Variants in HPSE2 observed in about 807,000 individuals in gnomAD.
HPSE2 encodes inactive heparanase-2.
In HPSE2, 38 loss-of-function variants were observed where a neutral mutation model predicts 60.5. That is an observed-to-expected ratio of 0.63 (90% CI 0.48 to 0.82). HPSE2 has a LOEUF of 0.82. HPSE2 is among the 40% of genes least tolerant of loss of function. The probability of loss-of-function intolerance (pLI) is 0.00; values close to 1 mark genes in which losing one functional copy is unlikely to be tolerated. For missense variants in HPSE2, 713 were observed against 740.4 expected (o/e 0.96, Z 0.43); for synonymous variants, 295 against 293.2 (o/e 1.01, Z -0.06).
At chr10:99,197,523 TAAGAA>T (rs914390541) in intron 2 of HPSE2, among the ~76,000 whole-genome samples, 9 of 151,818 alleles carry the variant, frequency 5.9e-5, no homozygotes, top group African/African-American at 1.9e-4. Flanking sequence ...AAAATAAAAA[TAAGAA>T]AACAAAATAA....
At chr10:98,987,141 TA>T (rs1312394829) in intron 3 of HPSE2, among the ~76,000 whole-genome samples, 1 of 152,098 alleles carries the variant, frequency 6.6e-6, no homozygotes, top group African/African-American at 2.4e-5. Context: ...TAACTCATTT[TA>T]TGAGGCCAGC....
the HPSE2 span, among the ~76,000 whole-genome samples, chr10:99,305,953 TCACACACACGCGCGCGCG>T: frequency 8.1e-5 from 2 of 24,818 alleles, no homozygotes; most frequent in African/African-American, 2.8e-4. Flanking sequence ...ATATCCAAAC[TCACACACACGCGCGCGCG>T]CGCGCGCGCA....
chr10:99,178,942 C>T (rs1847645658), intron 2 of HPSE2, among the ~76,000 whole-genome samples: 1 of 152,228 alleles, frequency 6.6e-6, no homozygotes, highest in African/African-American at 2.4e-5. Flanking sequence ...GGCTTCATCC[C>T]TGGGATGCAA....
At chr10:98,589,424 A>C (rs975083010) in intron 9 of HPSE2, among the ~76,000 whole-genome samples, 7 of 152,158 alleles carry the variant, frequency 4.6e-5, no homozygotes, top group Non-Finnish European at 1.0e-4. Context: ...GAATCTAACA[A>C]ATAGTGGTCA....
chr10:98,571,674 G>A (rs1435840630), intron 9 of HPSE2, among the ~76,000 whole-genome samples: 1 of 152,052 alleles, frequency 6.6e-6, no homozygotes, highest in African/African-American at 2.4e-5. Flanking sequence ...CAACATTCAT[G>A]GACTACTGAT....
chr10:99,172,959 A>G (rs1255640505), intron 2 of HPSE2, among the ~76,000 whole-genome samples: 1 of 152,226 alleles, frequency 6.6e-6, no homozygotes, highest in Non-Finnish European at 1.5e-5. Flanking sequence ...ACCAAGCCTT[A>G]AAGAGTAAGT....
At chr10:98,549,064 G>A (rs986082337) in intron 9 of HPSE2, among the ~76,000 whole-genome samples, 7 of 152,048 alleles carry the variant, frequency 4.6e-5, no homozygotes, top group East Asian at 1.9e-4. Context: ...AAGTACTCAC[G>A]TTAAGGTTCC....
chr10:98,826,356 C>T (rs1384329931), intron 3 of HPSE2, among the ~76,000 whole-genome samples: 1 of 152,160 alleles, frequency 6.6e-6, no homozygotes, highest in East Asian at 1.9e-4. Flanking sequence ...AAAATTTTAA[C>T]TTCAAATAGC....
At chr10:99,004,174 G>T (rs1000204277) in intron 3 of HPSE2, among the ~76,000 whole-genome samples, 1 of 151,774 alleles carries the variant, frequency 6.6e-6, no homozygotes, top group Non-Finnish European at 1.5e-5. Context: ...CACACAGTTG[G>T]CCCAGCTTTT....
chr10:98,934,722 T>G (rs1954742309), intron 3 of HPSE2, among the ~76,000 whole-genome samples: 1 of 143,794 alleles, frequency 7.0e-6, no homozygotes, highest in Admixed American at 6.9e-5. Context: ...TTTTCCTTCA[T>G]TTTGACCTTG....
chr10:99,241,572 C>T, the HPSE2 span, among the ~76,000 whole-genome samples: 6 of 152,170 alleles, frequency 3.9e-5, no homozygotes, highest in African/African-American at 1.4e-4. Context: ...ACCTGAGCAA[C>T]ACAGTGAGAC....
intron 6 of HPSE2, among the ~76,000 whole-genome samples, chr10:98,662,674 A>G (rs976031334): frequency 2.6e-5 from 4 of 152,180 alleles, no homozygotes. Flanking sequence ...CCTAATAACA[A>G]ACCTGCACAT....
chr10:98,552,881 T>G (rs2133856275), intron 9 of HPSE2, among the ~76,000 whole-genome samples: 1 of 152,248 alleles, frequency 6.6e-6, no homozygotes, highest in East Asian at 1.9e-4. Flanking sequence ...CTGCTGAATA[T>G]TAGAGTCGTC....
At chr10:99,261,668 AT>A in the HPSE2 span, among the ~76,000 whole-genome samples, 6 of 152,186 alleles carry the variant, frequency 3.9e-5, no homozygotes, top group African/African-American at 1.4e-4. Context: ...CAAAAATTAG[AT>A]TCCGGCCCTC....
At chr10:99,245,036 C>G in the HPSE2 span, among the ~76,000 whole-genome samples, 4 of 151,986 alleles carry the variant, frequency 2.6e-5, no homozygotes, top group Non-Finnish European at 5.9e-5. Flanking sequence ...GCTGATGACT[C>G]TTGGGAAGTA....
Position 98,772,724 on chromosome 10 carries a change from C to A in HPSE2, c.611-28668G>T, listed in dbSNP as rs191566979. 2.0e-5 allele frequency among the ~76,000 whole-genome samples: 3 copies of A among 152,258 alleles called. No homozygotes were observed. The East Asian group carries it at 5.8e-4, about 29-fold the overall frequency. Reference sequence around the variant, plus strand: ...CTATTACTTATTGACTGATTTGATTCACTACAAGAATGGTTATGAAAAATA... The same window carrying A: ...CTATTACTTATTGACTGATTTGATTAACTACAAGAATGGTTATGAAAAATA... On this transcript the variant is annotated intron_variant, in intron 3 of 11. Coordinates refer to ENST00000370552, the MANE Select transcript of HPSE2 (RefSeq NM_021828.5).
rs149440709 is a variant in HPSE2, at chr10:98,672,667, T to C, written c.1004+21233A>G. 5.8e-3 allele frequency among the ~76,000 whole-genome samples: 890 copies of C among 152,316 alleles called. 5 individuals carry two copies. The highest frequency in any genetic ancestry group is 0.02 in the African/African-American group (843 of 41,570). On this transcript the variant is annotated intron_variant, in intron 6 of 11. Coordinates refer to ENST00000370552, the MANE Select transcript of HPSE2 (RefSeq NM_021828.5). The stretch of plus-strand genomic sequence containing the variant: ...AACGTCTATCAGAGTAAATGATTCA[T>C]GCAAAGCACTCAGCCCTTTCTCTAA...
At chr10:98,575,697 A>T (rs988689853) in intron 9 of HPSE2, among the ~76,000 whole-genome samples, 4 of 152,232 alleles carry the variant, frequency 2.6e-5, no homozygotes, top group African/African-American at 9.6e-5. Flanking sequence ...GCTGGGGGCT[A>T]GAACAAAACA....
chr10:98,462,932 TCTC>T (rs139364494), intron 11 of HPSE2, among the ~76,000 whole-genome samples: 1,766 of 150,846 alleles, frequency 0.012, 35 homozygotes, highest in African/African-American at 0.04. Context: ...TTCAAAATCT[TCTC>T]CTCAAACTCT....
Sources: allele counts gnomAD v4.1 joint callset (sites outside exome capture counted in the v4.1 genomes callset), GRCh38; gene constraint gnomAD v4.1.1; transcripts MANE v1.5; gene names NCBI Gene and HGNC (gene_info 2026-07-23, HGNC 2026-07-21).